CROCC2: variants seen among roughly 807,000 people sequenced by gnomAD.
CROCC2 encodes ciliary rootlet coiled-coil, rootletin family member 2, also known as ciliary rootlet coiled-coil protein 2.
Under a neutral mutation model 177.6 loss-of-function variants are expected in CROCC2, and 163 were observed. The ratio of observed to expected loss-of-function variants is 0.92; its 90% CI spans 0.81 to 1.05. The LOEUF (loss-of-function observed/expected upper bound fraction) is 1.05, where lower values mean the gene tolerates loss of function less well. Among genes scored for constraint, CROCC2 ranks in the 50% least tolerant of loss-of-function variants. The pLI is 0.00. For synonymous variants in CROCC2, 904 were observed against 787.3 expected, an observed-to-expected ratio of 1.15 and a Z score of -2.48; for missense variants, 1,929 against 1,797.8, an observed-to-expected ratio of 1.07 and a Z score of -1.32.
At chr2:240,925,911 C>G in intron 5 of CROCC2, 31 bp downstream of exon 5, 1 of 685,878 alleles carries the variant, frequency 1.5e-6, no homozygotes, top group Non-Finnish European at 2.7e-6. Context: ...CACCTCATGG[C>G]GGCCGCCTGT....
Position 240,968,147 on chromosome 2 carries a change from G to T in CROCC2, c.4286G>T (p.Gly1429Val), listed in dbSNP as rs867794142. The T allele has an allele frequency of 1.3e-6, 2 of 1,503,004 alleles. No individual in the cohort carries two copies. The highest frequency in any genetic ancestry group is 4.3e-5 in the Admixed American group (2 of 46,206). The allele number at this position is 1,503,004 out of a possible 1,614,324, so 93.1% of individuals were successfully genotyped here. Residue 1429 changes from glycine to valine, a missense_variant, in exon 27 of 32, where the codon GGC (glycine) becomes GTC (valine). Physicochemically the swap from Gly to Val is moderately radical, Grantham distance 109. Transcript: ENST00000690015. ...CCCACAGGCCAGCGCCGGGTGGAGG[G>T]CGCGCTGAGCAGCGCCCGGGCAGCA... ...EAEEGQRRVEGALSSARAARA... is the reference protein window; with the variant it reads ...EAEEGQRRVEVALSSARAARA...
rs540248108 is a variant in CROCC2 at position 240,914,750 on chromosome 2, A to C, written c.79-3976A>C. 2.2e-4 allele frequency among the ~76,000 whole-genome samples: 33 copies of C among 152,220 alleles called. No homozygotes were observed. The East Asian group carries it at 6.2e-3, about 29-fold the overall frequency. ...TGGACGTGCTCCCCCTCCCGCCCCC[A>C]GCTCAGGCAGCTGTCCAAGCAGGAC... On this transcript the variant is annotated intron_variant, in intron 1 of 31. Coordinates refer to ENST00000690015, the MANE Select transcript of CROCC2 (RefSeq NM_001351305.2).
rs924943500 is a variant in CROCC2 at position 240,965,241 on chromosome 2, T to C, written c.3466-140T>C. 5.5e-6 allele frequency: 7 copies of C among 1,262,694 alleles called. No individual in the cohort carries two copies. The African/African-American group carries it at 9.0e-5, about 16-fold the overall frequency. 78.2% of individuals were successfully genotyped at this position (1,262,694 alleles called of 1,614,324 possible). ...GTGACAACTCCCAGGGCAAGGTCCT[T>C]TGGGGCACCTTAGCCCAAGCCTCCC... is the stretch of plus-strand genomic sequence containing the variant. On this transcript the variant is annotated intron_variant, in intron 22 of 31. Coordinates refer to ENST00000690015, the MANE Select transcript of CROCC2 (RefSeq NM_001351305.2).
rs1281794960 is a variant in CROCC2 at position 240,949,142 on chromosome 2, A to G, written c.2482+45A>G. 1.3e-6 allele frequency: 2 copies of G among 1,484,770 alleles called. No individual in the cohort carries two copies. The highest frequency in any genetic ancestry group is 2.4e-5 in the Admixed American group (1 of 41,716). The allele number at this position is 1,484,770 out of a possible 1,614,324, so 92.0% of individuals were successfully genotyped here. A position where few individuals can be genotyped will look rare whatever the true frequency, so the allele number is the denominator to read the frequency against. On this transcript the variant is annotated intron_variant, in intron 16 of 31. Transcript: ENST00000690015. This position sits in a 1 kb window ranked among gnomAD's most constrained non-coding sequence, Gnocchi z 4.5. The stretch of plus-strand genomic sequence containing the variant: ...TCAGCTCCTTCCCCGAAAGTCAGCC[A>G]TGGAGGGGCCCCTGGAATGGAGCTC...
Position 240,946,288 on chromosome 2 carries a change from C to T in CROCC2, c.2363+35C>T, listed in dbSNP as rs574240701. On this transcript the variant is annotated intron_variant, in intron 15 of 31. Transcript: ENST00000690015. ...GGCCTGCCAGTCAGGGCATGTCCCA[C>T]GTGTCCTTGCCCACAGAGAGTCTGC... The T allele has an allele frequency of 1.0e-5, 15 of 1,493,278 alleles. No homozygotes were observed. In the East Asian group the frequency reaches 1.3e-4, roughly 12 times the overall value. The allele number at this position is 1,493,278 out of a possible 1,614,324, so 92.5% of individuals were successfully genotyped here.
chr2:240,934,778 T>G (rs2059456976), intron 12 of CROCC2, 138 bp from the exon 13 acceptor site: 1 of 958,888 alleles, frequency 1.0e-6, no homozygotes. Flanking sequence ...CTCCCCACTG[T>G]GGCGACCTTC....
chr2:240,985,854 T>C (rs1261124820), intron 28 of CROCC2: 2 of 424,398 alleles, frequency 4.7e-6, no homozygotes, highest in South Asian at 3.3e-5. Context: ...ACTGGGGGTC[T>C]CACTGCCCCC....
chr2:240,958,002 T>C lies in CROCC2; in HGVS notation c.2944-1299T>C, dbSNP rs2059604467. ...CAGTGCTGGCTTCTGGAGCCTTCTC[T>C]TGAGCTGGCCCTGAGTCTCCCCCGG... On this transcript the variant is annotated intron_variant, in intron 19 of 31. Coordinates refer to ENST00000690015, the MANE Select transcript of CROCC2 (RefSeq NM_001351305.2). The surrounding 1 kb of genome is among the most constrained non-coding windows in gnomAD (Gnocchi z 6.7). The C allele has an allele frequency of 2.0e-6, 2 of 985,254 alleles. No individual in the cohort carries two copies. Among genetic ancestry groups the C allele is most frequent in the East Asian group, 1.1e-4 (1 of 8,798 alleles). 61.0% of individuals were successfully genotyped at this position (985,254 alleles called of 1,614,324 possible).
intron 1 of CROCC2, among the ~76,000 whole-genome samples, chr2:240,912,247 C>T (rs987966462): frequency 2.6e-5 from 4 of 152,222 alleles, no homozygotes; most frequent in African/African-American, 9.6e-5. Flanking sequence ...CACCAGCTAG[C>T]TGTCCTACAA....
chr2:240,954,280 G>T (rs2059575770), intron 18 of CROCC2, among the ~76,000 whole-genome samples: 1 of 152,084 alleles, frequency 6.6e-6, no homozygotes, highest in Non-Finnish European at 1.5e-5. Flanking sequence ...GACCCCACAG[G>T]GCATGGTTCC....
chr2:240,926,036 G>A (rs1003767450), intron 5 of CROCC2, among the ~76,000 whole-genome samples, 156 bp downstream of exon 5: 5 of 152,244 alleles, frequency 3.3e-5, no homozygotes, highest in African/African-American at 1.2e-4. Flanking sequence ...CCCCAACCCG[G>A]CTTGGCCACA....
chr2:240,923,071 C>T (rs2059367019), intron 4 of CROCC2, among the ~76,000 whole-genome samples: 1 of 152,082 alleles, frequency 6.6e-6, no homozygotes, highest in Non-Finnish European at 1.5e-5. Flanking sequence ...GACCCCTCCC[C>T]CGCTCCACAG....
chr2:240,963,265 A>T, intron 20 of CROCC2: 1 of 457,696 alleles, frequency 2.2e-6, no homozygotes, highest in Non-Finnish European at 3.9e-6. Context: ...CTTGCTTACC[A>T]GTGGTCAGCG....
intron 20 of CROCC2, among the ~76,000 whole-genome samples, chr2:240,962,429 G>A (rs1161655494): frequency 6.6e-6 from 1 of 152,116 alleles, no homozygotes; most frequent in Non-Finnish European, 1.5e-5. Context: ...CCTTCTGGGC[G>A]GGTTTCTGCT....
intron 14 of CROCC2, among the ~76,000 whole-genome samples, chr2:240,945,332 G>A (rs2059517093): frequency 6.6e-6 from 1 of 152,214 alleles, no homozygotes; most frequent in African/African-American, 2.4e-5. Flanking sequence ...CGGTGTCTAT[G>A]AAGGATGGTC....
intron 4 of CROCC2, among the ~76,000 whole-genome samples, chr2:240,923,037 T>C (rs2059366732): frequency 6.6e-6 from 1 of 152,056 alleles, no homozygotes; most frequent in African/African-American, 2.4e-5. Flanking sequence ...AGTAGCTGCA[T>C]CACGATTGTA....
chr2:240,962,986 C>T (rs2059653418), intron 20 of CROCC2, among the ~76,000 whole-genome samples: 1 of 152,216 alleles, frequency 6.6e-6, no homozygotes, highest in South Asian at 2.1e-4. Context: ...CCTCCCACTG[C>T]CTCCCATGCC....
intron 1 of CROCC2, among the ~76,000 whole-genome samples, chr2:240,906,990 C>T (rs563637942): frequency 1.3e-5 from 1 of 79,664 alleles, no homozygotes; most frequent in South Asian, 4.0e-4. Flanking sequence ...AGCCCGGGGC[C>T]GCTGCTGGCT....
intron 5 of CROCC2, 90 bp from the exon 6 acceptor site, chr2:240,930,076 T>C: frequency 1.9e-6 from 1 of 515,488 alleles, no homozygotes; most frequent in Non-Finnish European, 3.6e-6. Context: ...CCAGCCCCCA[T>C]GGAGAGGGAC....
Sources: gnomAD v4.1 joint callset for allele counts (sites outside exome capture counted in the v4.1 genomes callset) on GRCh38, gnomAD v4.1.1 for gene constraint, Gnocchi (gnomAD v3.1) non-coding constraint, MANE v1.5 for transcripts, NCBI Gene and HGNC (gene_info 2026-07-23, HGNC 2026-07-21) for gene names.